KLHL1: variants seen among roughly 807,000 people sequenced by gnomAD.
KLHL1 encodes the protein kelch-like protein 1.
Under a neutral mutation model 77.7 loss-of-function variants are expected in KLHL1, and 47 were observed. The ratio of observed to expected loss-of-function variants is 0.60; its 90% CI spans 0.48 to 0.77. KLHL1 has a LOEUF of 0.77. KLHL1 is among the 30% of genes least tolerant of loss of function. The probability of loss-of-function intolerance (pLI) is 0.00; values close to 1 mark genes in which losing one functional copy is unlikely to be tolerated. For synonymous variants in KLHL1, 360 were observed against 325.2 expected, an observed-to-expected ratio of 1.11 and a Z score of -1.15; for missense variants, 925 against 910.8, an observed-to-expected ratio of 1.02 and a Z score of -0.20.
intron 7 of KLHL1, among the ~76,000 whole-genome samples, chr13:69,771,278 A>AAAC (rs1555266857): frequency 4.3e-5 from 5 of 116,128 alleles, no homozygotes; most frequent in Admixed American, 3.9e-4. Flanking sequence ...GCAACTTTCA[A>AAAC]AAAAAAAAAA....
intron 4 of KLHL1, among the ~76,000 whole-genome samples, chr13:69,929,005 C>A (rs1882907302): frequency 6.6e-6 from 1 of 152,032 alleles, no homozygotes; most frequent in Non-Finnish European, 1.5e-5. Flanking sequence ...CTCTTATGCT[C>A]AAATAATGTT....
At chr13:69,935,934 C>T (rs768217796) in intron 4 of KLHL1, among the ~76,000 whole-genome samples, 1 of 152,026 alleles carries the variant, frequency 6.6e-6, no homozygotes, top group African/African-American at 2.4e-5. Flanking sequence ...CTTCTCTTGT[C>T]ATAAAGAAAT....
At chr13:69,826,472 C>T (rs567364151) in intron 6 of KLHL1, among the ~76,000 whole-genome samples, 1 of 152,184 alleles carries the variant, frequency 6.6e-6, no homozygotes, top group Middle Eastern at 3.4e-3. Flanking sequence ...CCCAGCTACT[C>T]AGGAGTCTGA....
intron 7 of KLHL1, among the ~76,000 whole-genome samples, chr13:69,770,927 A>C (rs1875532636): frequency 6.6e-6 from 1 of 152,138 alleles, no homozygotes; most frequent in Admixed American, 6.5e-5. Flanking sequence ...TTGTAGTTTT[A>C]GTAGATGCTA....
intron 6 of KLHL1, among the ~76,000 whole-genome samples, chr13:69,818,217 A>ATTTTTTTT (rs1878195724): frequency 3.2e-5 from 4 of 124,426 alleles, no homozygotes; most frequent in African/African-American, 1.2e-4. Flanking sequence ...ACTCATAGGC[A>ATTTTTTTT]TCTTTTTTTT....
At chr13:70,099,305 A>G (rs1593743026) in intron 1 of KLHL1, among the ~76,000 whole-genome samples, 1 of 151,706 alleles carries the variant, frequency 6.6e-6, no homozygotes, top group South Asian at 2.1e-4. Context: ...ATTAATGTAA[A>G]GCCTATGAGC....
chr13:70,003,505 C>T (rs1449847972), intron 1 of KLHL1, among the ~76,000 whole-genome samples: 1 of 151,632 alleles, frequency 6.6e-6, no homozygotes, highest in Non-Finnish European at 1.5e-5. Flanking sequence ...AGAGAGAATC[C>T]ATGTGCAAAA....
At chr13:70,000,892 A>G (rs1019124391) in intron 1 of KLHL1, among the ~76,000 whole-genome samples, 7 of 150,452 alleles carry the variant, frequency 4.7e-5, no homozygotes, top group Non-Finnish European at 1.0e-4. Context: ...AGATCAAATA[A>G]AATAGAAAAA....
intron 4 of KLHL1, among the ~76,000 whole-genome samples, chr13:69,896,140 G>A (rs927332240): frequency 6.6e-6 from 1 of 151,980 alleles, no homozygotes; most frequent in African/African-American, 2.4e-5. Flanking sequence ...TTCTCACATT[G>A]GTTGGTTTGC....
intron 6 of KLHL1, among the ~76,000 whole-genome samples, chr13:69,813,890 G>T (rs1264819180): frequency 1.3e-5 from 2 of 152,068 alleles, no homozygotes; most frequent in East Asian, 3.9e-4. Context: ...AGACTTAGAA[G>T]AACTTTTCTA....
At chr13:69,858,140 G>T (rs533632310) in intron 5 of KLHL1, among the ~76,000 whole-genome samples, 2 of 152,134 alleles carry the variant, frequency 1.3e-5, no homozygotes, top group Admixed American at 6.6e-5. Context: ...TACCACAGGG[G>T]ACACCCAGAG....
chr13:69,934,785 C>A (rs1257707365), intron 4 of KLHL1, among the ~76,000 whole-genome samples: 2 of 151,712 alleles, frequency 1.3e-5, no homozygotes, highest in African/African-American at 4.8e-5. Context: ...CATTGGCAAT[C>A]CATTTTCTTC....
Position 70,027,263 on chromosome 13 carries a change from T to C in KLHL1, c.498-51461A>G, listed in dbSNP as rs1885972472. On this transcript the variant is annotated intron_variant, in intron 1 of 10. Transcript: ENST00000377844. Reference sequence around the variant, plus strand: ...AACATTATATTCCTGAGCACTGATCTGGAAAAAGATAGACAAAGTAAGAAG... The same window carrying C: ...AACATTATATTCCTGAGCACTGATCCGGAAAAAGATAGACAAAGTAAGAAG... Among the ~76,000 whole-genome samples the C allele has an allele frequency of 2.0e-5, 3 of 152,260 alleles. No homozygotes were observed. In the South Asian group the frequency reaches 6.2e-4, roughly 31 times the overall value.
chr13:70,056,316 T>C (rs1886743386), intron 1 of KLHL1, among the ~76,000 whole-genome samples: 1 of 152,068 alleles, frequency 6.6e-6, no homozygotes, highest in Non-Finnish European at 1.5e-5. Flanking sequence ...ATGCACTGAA[T>C]ACTGGGACAC....
chr13:69,943,541 G>C (rs1273028679), intron 3 of KLHL1, among the ~76,000 whole-genome samples: 2 of 151,824 alleles, frequency 1.3e-5, no homozygotes, highest in African/African-American at 4.8e-5. Flanking sequence ...GATTACATGA[G>C]TACTATTGAT....
At chr13:69,952,525 A>G (rs1004635041) in intron 3 of KLHL1, among the ~76,000 whole-genome samples, 6 of 151,330 alleles carry the variant, frequency 4.0e-5, no homozygotes, top group African/African-American at 1.5e-4. Context: ...TGGCTAGGAC[A>G]TTTTCTCTGG....
At chr13:69,944,264 T>C (rs1011246007) in intron 3 of KLHL1, among the ~76,000 whole-genome samples, 3 of 152,190 alleles carry the variant, frequency 2.0e-5, no homozygotes, top group African/African-American at 7.2e-5. Flanking sequence ...AGGCACTGAA[T>C]CTCTAGTGAG....
At chr13:69,939,312 TAC>T (rs1883276789) in intron 4 of KLHL1, among the ~76,000 whole-genome samples, 1 of 137,262 alleles carries the variant, frequency 7.3e-6, no homozygotes, top group African/African-American at 2.7e-5. Context: ...CTGTTAAATA[TAC>T]ACACTCATAT....
chr13:70,107,075 C>A, intron 1 of KLHL1, 128 bp downstream of exon 1: 4 of 1,365,222 alleles, frequency 2.9e-6, no homozygotes, highest in South Asian at 1.6e-5. Flanking sequence ...GTAATCAAAA[C>A]CAGGGTGGCA....
Sources: gnomAD v4.1 joint callset for allele counts (sites outside exome capture counted in the v4.1 genomes callset) on GRCh38, gnomAD v4.1.1 for gene constraint, MANE v1.5 for transcripts, NCBI Gene and HGNC (gene_info 2026-07-23, HGNC 2026-07-21) for gene names.